Variants in FTCDNL1 observed in about 807,000 individuals in gnomAD.
FTCDNL1 encodes formiminotransferase cyclodeaminase N-terminal like.
Under a neutral mutation model 5.9 loss-of-function variants are expected in FTCDNL1, and 11 were observed. The ratio of observed to expected loss-of-function variants is 1.87; its 90% CI spans 1.18 to 3.10. FTCDNL1 has a LOEUF of 3.10. Ranked by LOEUF, FTCDNL1 falls within the 30% of genes most tolerant of loss-of-function variation. The pLI is 0.00. For missense variants in FTCDNL1, 115 were observed against 65.5 expected (o/e 1.76, Z -2.61); for synonymous variants, 58 against 24.8 (o/e 2.34, Z -3.99).
chr2:199,772,758 A>G (rs1229360973), intron 3 of FTCDNL1, among the ~76,000 whole-genome samples: 3 of 152,220 alleles, frequency 2.0e-5, no homozygotes, highest in Admixed American at 6.5e-5. Flanking sequence ...AAGAGTTAAC[A>G]TAGCCTCAAG....
the FTCDNL1 span, among the ~76,000 whole-genome samples, chr2:199,742,055 A>T: frequency 6.6e-6 from 1 of 152,000 alleles, no homozygotes; most frequent in Non-Finnish European, 1.5e-5. Context: ...CCCACAGCAG[A>T]CCCAACTATT....
the FTCDNL1 span, among the ~76,000 whole-genome samples, chr2:199,709,182 T>C: frequency 1.3e-5 from 2 of 152,138 alleles, no homozygotes; most frequent in African/African-American, 4.8e-5. Context: ...TGCATGTTAC[T>C]CCATCATGAC....
chr2:199,826,433 G>GAA (rs200950878), intron 3 of FTCDNL1, among the ~76,000 whole-genome samples: 137 of 81,462 alleles, frequency 1.7e-3, no homozygotes, highest in East Asian at 5.3e-3. Context: ...GGAAAAGAAA[G>GAA]AAAAAAAAAA....
chr2:199,752,740 C>CTGTGTGTGTGTG, the FTCDNL1 span, among the ~76,000 whole-genome samples: 1 of 30,622 alleles, frequency 3.3e-5, no homozygotes, highest in African/African-American at 4.7e-5. Flanking sequence ...CTCTCTCTCT[C>CTGTGTGTGTGTG]TGTGTGTGTG....
the FTCDNL1 span, among the ~76,000 whole-genome samples, chr2:199,735,939 T>G: frequency 6.6e-6 from 1 of 152,230 alleles, no homozygotes; most frequent in African/African-American, 2.4e-5. Context: ...CATTTGTCTA[T>G]GTACACTACC....
chr2:199,798,180 G>T (rs1200442596), intron 3 of FTCDNL1, among the ~76,000 whole-genome samples: 1 of 152,200 alleles, frequency 6.6e-6, no homozygotes, highest in African/African-American at 2.4e-5. Flanking sequence ...AGAACCTGAA[G>T]TCACTTGATA....
chr2:199,704,963 G>A, the FTCDNL1 span, among the ~76,000 whole-genome samples: 1 of 152,158 alleles, frequency 6.6e-6, no homozygotes, highest in Admixed American at 6.6e-5. Context: ...CTGAGGTTCT[G>A]TGGAAGCCTT....
chr2:199,817,494 A>T lies in FTCDNL1; in HGVS notation c.397+2078T>A, dbSNP rs368423356. Among the ~76,000 whole-genome samples, 4 of 152,314 alleles carry T rather than the reference A, an allele frequency of 2.6e-5. No homozygotes were observed. In the East Asian group the frequency reaches 7.7e-4, roughly 29 times the overall value. ...ATCTCCATGTGAGTAAAAACAGAGA[A>T]TAAAATCATGGGCCAGGCACGGGGG... On this transcript the variant is annotated intron_variant, in intron 4 of 4. Transcript: ENST00000420128.
chr2:199,799,760 T>A (rs1700350232), intron 3 of FTCDNL1, among the ~76,000 whole-genome samples: 1 of 152,186 alleles, frequency 6.6e-6, no homozygotes, highest in Non-Finnish European at 1.5e-5. Context: ...TGATAACATC[T>A]CTACATTATC....
At chr2:199,726,859 C>G in the FTCDNL1 span, among the ~76,000 whole-genome samples, 2 of 152,166 alleles carry the variant, frequency 1.3e-5, no homozygotes, top group Non-Finnish European at 2.9e-5. Context: ...TTGACAACCT[C>G]TATTGGGAGG....
chr2:199,792,779 A>G (rs1426453511), intron 3 of FTCDNL1, among the ~76,000 whole-genome samples: 4 of 152,122 alleles, frequency 2.6e-5, no homozygotes, highest in African/African-American at 4.8e-5. Context: ...ATTGCTTTCT[A>G]ATGACTCCAC....
At chr2:199,800,912 CAT>C (rs1182649638) in intron 3 of FTCDNL1, among the ~76,000 whole-genome samples, 1 of 152,212 alleles carries the variant, frequency 6.6e-6, no homozygotes, top group Non-Finnish European at 1.5e-5. Context: ...ACTACATCAA[CAT>C]ATACATAAGT....
At chr2:199,729,103 T>C in the FTCDNL1 span, among the ~76,000 whole-genome samples, 1 of 152,232 alleles carries the variant, frequency 6.6e-6, no homozygotes, top group Non-Finnish European at 1.5e-5. Flanking sequence ...TACTCTGCGA[T>C]GAGATGACGG....
chr2:199,712,027 A>G, the FTCDNL1 span, among the ~76,000 whole-genome samples: 30 of 152,294 alleles, frequency 2.0e-4, no homozygotes, highest in East Asian at 1.9e-3. Flanking sequence ...GGAGAATCCA[A>G]AAAGCTTCTA....
rs541614296 is a variant in FTCDNL1 at position 199,841,099 on chromosome 2, C to T, written c.211+4976G>A. On this transcript the variant is annotated intron_variant, in intron 3 of 4. Coordinates refer to ENST00000420128, the MANE Select transcript of FTCDNL1 (RefSeq NM_001363886.2). ...TAGAGAGGCAGAGGTTGCAGTGAGC[C>T]GGGATCATGCCACTGCACTCCAGCC... Among the ~76,000 whole-genome samples the T allele has an allele frequency of 8.6e-5, 13 of 151,936 alleles. No individual in the cohort carries two copies. The South Asian group carries it at 1.9e-3, about 22-fold the overall frequency.
the FTCDNL1 span, among the ~76,000 whole-genome samples, chr2:199,718,456 G>C: frequency 6.6e-6 from 1 of 152,140 alleles, no homozygotes; most frequent in Non-Finnish European, 1.5e-5. Context: ...CTCACTGATG[G>C]ACACGTAGGT....
chr2:199,814,457 T>C (rs1177186214), intron 4 of FTCDNL1, among the ~76,000 whole-genome samples: 2 of 152,236 alleles, frequency 1.3e-5, no homozygotes, highest in Admixed American at 6.5e-5. Context: ...CTGTGAGGCA[T>C]TGTGAACCTC....
intron 3 of FTCDNL1, among the ~76,000 whole-genome samples, chr2:199,773,601 C>T (rs1197155930): frequency 6.6e-6 from 1 of 152,164 alleles, no homozygotes; most frequent in East Asian, 1.9e-4. Flanking sequence ...AGAAGTGGCT[C>T]ATGTCCAGAC....
intron 3 of FTCDNL1, among the ~76,000 whole-genome samples, chr2:199,780,520 C>T (rs1053375491): frequency 2.0e-5 from 3 of 152,196 alleles, no homozygotes; most frequent in African/African-American, 7.2e-5. Flanking sequence ...AAGATGAAAA[C>T]TAGAGGGATG....
Sources: allele counts gnomAD v4.1 joint callset (sites outside exome capture counted in the v4.1 genomes callset), GRCh38; gene constraint gnomAD v4.1.1; transcripts MANE v1.5; gene names NCBI Gene and HGNC (gene_info 2026-07-23, HGNC 2026-07-21).